SSH2: variants seen among roughly 807,000 people sequenced by gnomAD.
SSH2 encodes the protein slingshot protein phosphatase 2, also known as protein phosphatase Slingshot homolog 2.
Under a neutral mutation model 135.2 loss-of-function variants are expected in SSH2, and 37 were observed. The observed-to-expected ratio is 0.27, with a 90% confidence interval of 0.21 to 0.36. The LOEUF (loss-of-function observed/expected upper bound fraction) is 0.36. SSH2 is among the 10% of genes least tolerant of loss of function. The pLI is 1.00. For synonymous variants in SSH2, 628 were observed against 646.2 expected (o/e 0.97, Z 0.43); for missense variants, 1,408 against 1,765.3 (o/e 0.80, Z 3.63).
intron 5 of SSH2, among the ~76,000 whole-genome samples, chr17:29,693,522 G>C (rs952413540): frequency 6.6e-6 from 1 of 151,824 alleles, no homozygotes; most frequent in Non-Finnish European, 1.5e-5. Context: ...ATGTTGGCCA[G>C]GCTGGTCTTG....
chr17:29,686,499 C>CT (rs2038228364), intron 5 of SSH2, among the ~76,000 whole-genome samples: 2 of 147,882 alleles, frequency 1.4e-5, no homozygotes, highest in Non-Finnish European at 3.0e-5. Context: ...GTAGCTGGGA[C>CT]TACAGGCACA....
At chr17:29,676,987 G>A (rs752346132) in intron 7 of SSH2, 102 bp from the exon 8 acceptor site, 9 of 909,894 alleles carry the variant, frequency 9.9e-6, no homozygotes, top group Non-Finnish European at 1.6e-5. Context: ...AACTGGCTCC[G>A]TAGAGGGAAT....
intron 2 of SSH2, among the ~76,000 whole-genome samples, chr17:29,823,749 C>T (rs1203068698): frequency 3.9e-5 from 6 of 152,026 alleles, no homozygotes; most frequent in South Asian, 2.1e-4. Flanking sequence ...TGTGGTGACG[C>T]GTTCCTGTAA....
At position 29,778,265 on chromosome 17, in the gene SSH2, T is replaced by A. The variant is rs765929386; in HGVS notation, c.188+15629A>T. ...TTCTGCTAAACATTGACCCTGGTAA[T>A]GAGAGAGAAAGTCCAGCTGAAAGGA... On this transcript the variant is annotated intron_variant, in intron 3 of 15. Coordinates refer to ENST00000540801, the MANE Select transcript of SSH2 (RefSeq NM_001282129.2). Among the ~76,000 whole-genome samples the A allele has an allele frequency of 7.9e-4, 120 of 152,182 alleles. 1 individual carries two copies. The highest frequency in any genetic ancestry group is 2.1e-4 in the Non-Finnish European group (14 of 68,032).
intron 1 of SSH2, among the ~76,000 whole-genome samples, chr17:29,867,784 C>T (rs2065877700): frequency 6.6e-6 from 1 of 152,090 alleles, no homozygotes; most frequent in Non-Finnish European, 1.5e-5. Flanking sequence ...CCTATTTCCT[C>T]GCAAGTAAAG....
chr17:29,779,996 C>G (rs544975822), intron 3 of SSH2, among the ~76,000 whole-genome samples: 55 of 151,844 alleles, frequency 3.6e-4, no homozygotes, highest in Non-Finnish European at 5.1e-4. Flanking sequence ...GCCGCCGGAT[C>G]ACCTGAGGTC....
At chr17:29,790,205 G>A (rs1416133558) in intron 3 of SSH2, among the ~76,000 whole-genome samples, 6 of 152,112 alleles carry the variant, frequency 3.9e-5, no homozygotes, top group African/African-American at 1.4e-4. Flanking sequence ...CCCTACCCTC[G>A]AAAGTGAGGC....
chr17:29,680,551 CAAAAAAAAAAAAAAAA>C (rs1160865828), intron 6 of SSH2, among the ~76,000 whole-genome samples: 12 of 21,540 alleles, frequency 5.6e-4, no homozygotes, highest in South Asian at 4.8e-3. Flanking sequence ...GACTCCCTCT[CAAAAAAAAAAAAAAAA>C]AAAAAAAAAA....
At chr17:29,877,727 A>T (rs1384425123) in intron 1 of SSH2, among the ~76,000 whole-genome samples, 1 of 151,748 alleles carries the variant, frequency 6.6e-6, no homozygotes, top group African/African-American at 2.4e-5. Context: ...TGAGAAGAGT[A>T]GTAGAGGGGT....
intron 1 of SSH2, among the ~76,000 whole-genome samples, chr17:29,905,911 GA>G (rs2066645304): frequency 6.6e-6 from 1 of 152,142 alleles, no homozygotes; most frequent in Non-Finnish European, 1.5e-5. Flanking sequence ...CCTCTCTGCT[GA>G]GAGTTTCAGA....
chr17:29,722,014 C>A (rs973558068), intron 3 of SSH2, among the ~76,000 whole-genome samples: 5 of 152,096 alleles, frequency 3.3e-5, no homozygotes, highest in Admixed American at 2.0e-4. Context: ...CAGTGGCTCA[C>A]GCCTGTAATC....
At chr17:29,688,261 G>A (rs533422437) in intron 5 of SSH2, among the ~76,000 whole-genome samples, 1 of 151,696 alleles carries the variant, frequency 6.6e-6, no homozygotes, top group African/African-American at 2.4e-5. Flanking sequence ...CACCCGCCTC[G>A]GCCTCCCAAA....
intron 1 of SSH2, among the ~76,000 whole-genome samples, chr17:29,854,094 A>G (rs1284595671): frequency 1.3e-5 from 2 of 151,908 alleles, no homozygotes; most frequent in African/African-American, 4.9e-5. Context: ...TTGGGTTAAA[A>G]TTTTCTTTCA....
In SSH2 at chr17:29,889,712, C is replaced by G. The variant is rs532205525; in HGVS notation, c.63+40226G>C. On this transcript the variant is annotated intron_variant, in intron 1 of 15. Transcript: ENST00000540801. ...ACTTGTATCTGGAATACATAAAGAA[C>G]TCTTACAACTCAATAATAAAAAGAC... is the stretch of plus-strand genomic sequence containing the variant. Among the ~76,000 whole-genome samples, 9 of 149,760 alleles carry G rather than the reference C, an allele frequency of 6.0e-5. No homozygotes were observed. The South Asian group carries it at 1.9e-3, about 32-fold the overall frequency.
At position 29,636,727 on chromosome 17, in the gene SSH2, T is replaced by C. The variant is rs1333420520; in HGVS notation, c.1503A>G (p.Lys501=). 6.2e-7 allele frequency: 1 copy of C among 1,614,116 alleles called. No individual in the cohort carries two copies. Among genetic ancestry groups the C allele is most frequent in the South Asian group, 1.1e-5 (1 of 91,080 alleles). Residue 501 remains lysine (K), a synonymous_variant, in exon 15 of 16, where the codon AAA becomes AAG. Coordinates refer to ENST00000540801, the MANE Select transcript of SSH2 (RefSeq NM_001282129.2). Reference sequence around the variant, plus strand: ...CCTTCTTGTTGAGTTCTAGCCCAGGTTTGCAGATGGGTTCGTGGTGGTCTG... The same window carrying C: ...CCTTCTTGTTGAGTTCTAGCCCAGGCTTGCAGATGGGTTCGTGGTGGTCTG... The part of the protein sequence containing the change: ...DLSDHHEPIC[K]PGLELNKKDI...
At chr17:29,759,567 T>A (rs1389602229) in intron 3 of SSH2, among the ~76,000 whole-genome samples, 1 of 152,190 alleles carries the variant, frequency 6.6e-6, no homozygotes, top group East Asian at 1.9e-4. Context: ...CAAATACAAA[T>A]TTCCTACCCC....
chr17:29,928,998 A>G (rs573143727), intron 1 of SSH2, among the ~76,000 whole-genome samples: 1 of 152,300 alleles, frequency 6.6e-6, no homozygotes, highest in Non-Finnish European at 1.5e-5. Context: ...GGTTTTTTAA[A>G]GCCCATTTGC....
chr17:29,667,296 G>A, intron 9 of SSH2, 73 bp from the exon 10 acceptor site: 4 of 1,129,118 alleles, frequency 3.5e-6, no homozygotes, highest in Non-Finnish European at 5.1e-6. Flanking sequence ...GGGAAAGAAA[G>A]AAGAATGATC....
At chr17:29,880,974 A>T (rs906727149) in intron 1 of SSH2, among the ~76,000 whole-genome samples, 3 of 152,202 alleles carry the variant, frequency 2.0e-5, no homozygotes, top group Admixed American at 6.5e-5. Flanking sequence ...TCCCACAACA[A>T]TTCATTTATG....
Sources: gnomAD v4.1 joint callset for allele counts (sites outside exome capture counted in the v4.1 genomes callset) on GRCh38, gnomAD v4.1.1 for gene constraint, MANE v1.5 for transcripts, NCBI Gene and HGNC (gene_info 2026-07-23, HGNC 2026-07-21) for gene names.